SV2C: variants seen among roughly 807,000 people sequenced by gnomAD.
The protein encoded by SV2C is synaptic vesicle glycoprotein 2C, also known as solute carrier family 22 member B3.
In SV2C, 49 loss-of-function variants were observed where a neutral mutation model predicts 79.7. The observed-to-expected ratio is 0.61, with a 90% CI of 0.49 to 0.78. The LOEUF (loss-of-function observed/expected upper bound fraction) is 0.78. SV2C is among the 30% of genes least tolerant of loss of function. SV2C has a pLI of 0.00. For synonymous variants in SV2C, 334 were observed against 333.2 expected, an observed-to-expected ratio of 1.00 and a Z score of -0.03; for missense variants, 833 against 912.9, an observed-to-expected ratio of 0.91 and a Z score of 1.13.
At chr5:76,255,795 C>A (rs1746244720) in intron 4 of SV2C, among the ~76,000 whole-genome samples, 1 of 152,264 alleles carries the variant, frequency 6.6e-6, no homozygotes, top group Admixed American at 6.5e-5. Flanking sequence ...GGAGGGACTG[C>A]CTCACCTGAG....
At chr5:76,338,782 C>A (rs901571731), downstream of SV2C, among the ~76,000 whole-genome samples, 1 of 151,734 alleles carries the variant, frequency 6.6e-6, no homozygotes, top group Non-Finnish European at 1.5e-5. Context: ...CTCAGCCTCC[C>A]GAGTAGCTGG....
chr5:75,990,120 T>G, the SV2C span, among the ~76,000 whole-genome samples: 2 of 152,062 alleles, frequency 1.3e-5, no homozygotes, highest in Non-Finnish European at 2.9e-5. Flanking sequence ...TGATAGTTTC[T>G]TTTGCTGTGC....
chr5:76,092,178 G>T (rs553945833), intron 1 of SV2C, among the ~76,000 whole-genome samples: 4 of 152,122 alleles, frequency 2.6e-5, no homozygotes, highest in African/African-American at 9.7e-5. Context: ...ATCTTTTAGC[G>T]TATGGAAAGG....
the SV2C span, among the ~76,000 whole-genome samples, chr5:76,055,861 T>C: frequency 6.6e-6 from 1 of 152,192 alleles, no homozygotes; most frequent in Admixed American, 6.5e-5. Flanking sequence ...TCCTGAGACT[T>C]TGCTGAAGTT....
the SV2C span, among the ~76,000 whole-genome samples, chr5:75,934,012 C>T: frequency 6.6e-6 from 1 of 152,148 alleles, no homozygotes; most frequent in African/African-American, 2.4e-5. Flanking sequence ...CAGACAGAGG[C>T]TGAGAACTTT....
At chr5:76,185,499 T>C (rs1743886449) in intron 2 of SV2C, among the ~76,000 whole-genome samples, 1 of 152,260 alleles carries the variant, frequency 6.6e-6, no homozygotes, top group Admixed American at 6.5e-5. Flanking sequence ...CCATACATCC[T>C]TGGAAATCTA....
chr5:76,120,320 G>C (rs1206373053), intron 1 of SV2C, among the ~76,000 whole-genome samples: 1 of 147,580 alleles, frequency 6.8e-6, no homozygotes, highest in Admixed American at 6.7e-5. Flanking sequence ...GATTTTTTTT[G>C]TTTTGTTTTT....
chr5:76,160,846 C>T (rs1464602461), intron 2 of SV2C, among the ~76,000 whole-genome samples: 1 of 152,086 alleles, frequency 6.6e-6, no homozygotes, highest in Non-Finnish European at 1.5e-5. Flanking sequence ...TTCAAGGCCC[C>T]TAGGATGGCT....
intron 2 of SV2C, among the ~76,000 whole-genome samples, chr5:76,139,469 C>T (rs1198029278): frequency 6.6e-6 from 1 of 152,108 alleles, no homozygotes; most frequent in Non-Finnish European, 1.5e-5. Flanking sequence ...TCTTGGGAGT[C>T]CTGTTTTTCA....
At chr5:76,348,171 A>C (rs1432743978) in intron 12 of SV2C, among the ~76,000 whole-genome samples, 1 of 152,208 alleles carries the variant, frequency 6.6e-6, no homozygotes, top group Non-Finnish European at 1.5e-5. Context: ...AGAATCATAC[A>C]GTATGTAGCC....
the SV2C span, among the ~76,000 whole-genome samples, chr5:75,980,524 G>A: frequency 6.6e-6 from 1 of 152,096 alleles, no homozygotes; most frequent in Non-Finnish European, 1.5e-5. Flanking sequence ...CCACTGTCAA[G>A]TAGGCTTCAT....
At chr5:76,216,056 C>T (rs1367631103) in intron 4 of SV2C, among the ~76,000 whole-genome samples, 1 of 151,206 alleles carries the variant, frequency 6.6e-6, no homozygotes, top group African/African-American at 2.4e-5. Flanking sequence ...TGAAGTTAGA[C>T]ACTGGAATAA....
At chr5:76,255,403 C>T (rs1224278281) in intron 4 of SV2C, among the ~76,000 whole-genome samples, 1 of 152,128 alleles carries the variant, frequency 6.6e-6, no homozygotes, top group African/African-American at 2.4e-5. Flanking sequence ...CCCAAGCCTC[C>T]CATGCAGGGA....
the SV2C span, chr5:75,911,419 A>C: frequency 9.6e-7 from 1 of 1,044,712 alleles, no homozygotes; most frequent in Non-Finnish European, 1.4e-6. Context: ...ACCCCCTAGT[A>C]GGCCTCCTCC....
At chr5:76,140,754 CT>C (rs1252401196) in intron 2 of SV2C, among the ~76,000 whole-genome samples, 1 of 152,274 alleles carries the variant, frequency 6.6e-6, no homozygotes, top group East Asian at 1.9e-4. Flanking sequence ...AGACCCATAA[CT>C]TTTTTTCCCT....
intron 2 of SV2C, chr5:76,173,686 G>C (rs757972514): frequency 1.2e-6 from 2 of 1,613,764 alleles, no homozygotes; most frequent in African/African-American, 2.7e-5. Context: ...GAGTTTTTCT[G>C]TTAATTTGCC....
chr5:76,014,106 G>C, the SV2C span, among the ~76,000 whole-genome samples: 17 of 148,408 alleles, frequency 1.1e-4, no homozygotes, highest in African/African-American at 2.5e-5. Context: ...AAGAAAGAGA[G>C]GATGAAAGAG....
At chr5:76,143,286 A>T (rs573709575) in intron 2 of SV2C, among the ~76,000 whole-genome samples, 1 of 152,126 alleles carries the variant, frequency 6.6e-6, no homozygotes, top group African/African-American at 2.4e-5. Flanking sequence ...TGGTCAGATG[A>T]TGAGACACAG....
At chr5:76,086,220 A>G (rs570638856) in intron 1 of SV2C, among the ~76,000 whole-genome samples, 34 of 152,328 alleles carry the variant, frequency 2.2e-4, no homozygotes, top group African/African-American at 7.9e-4. Context: ...TCCAGTTCCC[A>G]GTCTCCAGGA....
Sources: allele counts gnomAD v4.1 joint callset (sites outside exome capture counted in the v4.1 genomes callset), GRCh38; gene constraint gnomAD v4.1.1; transcripts MANE v1.5; gene names NCBI Gene and HGNC (gene_info 2026-07-23, HGNC 2026-07-21).